ARHGEF10L: variants seen among roughly 807,000 people sequenced by gnomAD.
ARHGEF10L encodes Rho guanine nucleotide exchange factor 10 like, also known as rho guanine nucleotide exchange factor 10-like protein.
A neutral mutation model predicts 141.2 loss-of-function variants in ARHGEF10L; 69 were observed. The ratio of observed to expected loss-of-function variants is 0.49; its 90% CI spans 0.40 to 0.60. ARHGEF10L has a LOEUF of 0.60. Among genes scored for constraint, ARHGEF10L ranks in the 20% least tolerant of loss-of-function variants. The pLI is 0.00. For synonymous variants in ARHGEF10L, 711 were observed against 718.5 expected, an observed-to-expected ratio of 0.99 and a Z score of 0.17; for missense variants, 1,482 against 1,734.3, an observed-to-expected ratio of 0.85 and a Z score of 2.58.
At chr1:17,638,245 C>A (rs578040212) in intron 19 of ARHGEF10L, among the ~76,000 whole-genome samples, 118 of 152,302 alleles carry the variant, frequency 7.7e-4, no homozygotes, top group African/African-American at 2.7e-3. Context: ...GGCTGTGGGG[C>A]CTTTGTTTGT....
At chr1:17,633,981 C>G (rs963721096) in intron 16 of ARHGEF10L, among the ~76,000 whole-genome samples, 1 of 152,168 alleles carries the variant, frequency 6.6e-6, no homozygotes, top group Non-Finnish European at 1.5e-5. Context: ...TGGCTCTGTG[C>G]CAGTTCACAC....
intron 4 of ARHGEF10L, among the ~76,000 whole-genome samples, chr1:17,591,628 T>G (rs1453728095): frequency 1.3e-5 from 2 of 152,142 alleles, no homozygotes; most frequent in Non-Finnish European, 2.9e-5. Context: ...GCCAGGCTGG[T>G]CTTGAGCTCC....
the ARHGEF10L span, among the ~76,000 whole-genome samples, chr1:17,531,123 GT>G: frequency 1.3e-5 from 2 of 152,242 alleles, no homozygotes; most frequent in African/African-American, 2.4e-5. Flanking sequence ...TATGGTAAAT[GT>G]AAATAGATGC....
At chr1:17,517,249 T>C in the ARHGEF10L span, among the ~76,000 whole-genome samples, 1 of 152,238 alleles carries the variant, frequency 6.6e-6, no homozygotes, top group Non-Finnish European at 1.5e-5. Flanking sequence ...GCTCTGAGAA[T>C]CCTCAGTTTC....
chr1:17,661,405 T>G (rs2062617339), intron 25 of ARHGEF10L, among the ~76,000 whole-genome samples: 1 of 152,192 alleles, frequency 6.6e-6, no homozygotes, highest in Non-Finnish European at 1.5e-5. Flanking sequence ...CTATCAGTAT[T>G]AGCATTATTA....
chr1:17,595,220 CTTTTTTTTTTT>C (rs58475060), intron 4 of ARHGEF10L, among the ~76,000 whole-genome samples: 15 of 106,106 alleles, frequency 1.4e-4, no homozygotes, highest in African/African-American at 4.0e-4. Context: ...CGTGGCTCAC[CTTTTTTTTTTT>C]TTTTTTTTTT....
chr1:17,677,083 C>T (rs1285730734), intron 26 of ARHGEF10L, among the ~76,000 whole-genome samples: 4 of 152,206 alleles, frequency 2.6e-5, no homozygotes, highest in East Asian at 3.9e-4. Context: ...AGTGAGCTAG[C>T]AGGACCAAGG....
At chr1:17,597,584 C>G (rs759639720) in intron 4 of ARHGEF10L, among the ~76,000 whole-genome samples, 1 of 152,134 alleles carries the variant, frequency 6.6e-6, no homozygotes, top group African/African-American at 2.4e-5. Flanking sequence ...CTCATCGGCC[C>G]GAGGAACACC....
chr1:17,616,533 CTCCTTCCTTTATCCA>C (rs971049969), intron 9 of ARHGEF10L, among the ~76,000 whole-genome samples: 4 of 152,236 alleles, frequency 2.6e-5, no homozygotes, highest in African/African-American at 9.6e-5. Context: ...TTCCTGTTCC[CTCCTTCCTTTATCCA>C]TCCACCCATC....
chr1:17,619,196 T>C lies in ARHGEF10L; in HGVS notation c.836-143T>C. On this transcript the variant is annotated intron_variant, in intron 9 of 28. Coordinates refer to ENST00000361221, the MANE Select transcript of ARHGEF10L (RefSeq NM_018125.4). This position sits in a 1 kb window ranked among gnomAD's most constrained non-coding sequence, Gnocchi z 5.0. ...TCCTGAGAAGGAGCTACCGGGCGGC[T>C]CTAACCCCACGGGGCCCCAGGAGCT... The C allele has an allele frequency of 1.4e-6, 1 of 701,766 alleles. No individual in the cohort carries two copies. Among genetic ancestry groups the C allele is most frequent in the Non-Finnish European group, 2.5e-6 (1 of 403,260 alleles). 43.5% of individuals were successfully genotyped at this position (701,766 alleles called of 1,614,324 possible).
Position 17,673,044 on chromosome 1 carries a change from G to T in ARHGEF10L, c.3009+8449G>T, listed in dbSNP as rs1159849248. On this transcript the variant is annotated intron_variant, in intron 26 of 28. Transcript: ENST00000361221. This position sits in a 1 kb window ranked among gnomAD's most constrained non-coding sequence, Gnocchi z 4.1. ...GATTTAGGTGATGAAAAGATTTCAT[G>T]ATTTTAAAAAGAAGTTGGTCGCTGA... Among the ~76,000 whole-genome samples, 4 of 152,168 alleles carry T rather than the reference G, an allele frequency of 2.6e-5. No homozygotes were observed. The highest frequency in any genetic ancestry group is 4.4e-5 in the Non-Finnish European group (3 of 68,036).
chr1:17,585,942 C>T lies in ARHGEF10L; in HGVS notation c.38-1518C>T, dbSNP rs554996902. On this transcript the variant is annotated intron_variant, in intron 2 of 28. Coordinates refer to ENST00000361221, the MANE Select transcript of ARHGEF10L (RefSeq NM_018125.4). ...TTGTCATAATCCTTACATATACGGG[C>T]ACTGTGCCGAGGGCTACTCCTACCC... 3.9e-5 allele frequency among the ~76,000 whole-genome samples: 6 copies of T among 152,314 alleles called. No homozygotes were observed. The South Asian group carries it at 1.0e-3, about 26-fold the overall frequency.
Position 17,640,239 on chromosome 1 carries a change from AC to A in ARHGEF10L, c.2214del (p.Asn739ThrfsTer3). 1 of 1,612,854 alleles carries A rather than the reference AC, an allele frequency of 6.2e-7. No individual in the cohort carries two copies. The highest frequency in any genetic ancestry group is 8.5e-7 in the Non-Finnish European group (1 of 1,179,626). ...CATTAGCTTCATGGTGGTTTTCATC[AC>A]CCCCAACCCCCTGAGCAAGATTTCC... Reference protein sequence around the residue: ...RPISFMVVFITPNPLSKISWV... With the variant: ...RPISFMVVFIXPNPLSKISWV... On this transcript the variant is annotated frameshift_variant, in exon 21 of 29. Transcript: ENST00000361221. LOFTEE classifies it high-confidence loss of function.
upstream of ARHGEF10L, among the ~76,000 whole-genome samples, chr1:17,536,919 G>A (rs1055631191): frequency 2.0e-5 from 3 of 152,130 alleles, no homozygotes; most frequent in African/African-American, 7.2e-5. Flanking sequence ...GCCTAGGCTG[G>A]GGTGCAGCGG....
At chr1:17,523,418 A>T in the ARHGEF10L span, among the ~76,000 whole-genome samples, 1 of 151,984 alleles carries the variant, frequency 6.6e-6, no homozygotes, top group African/African-American at 2.4e-5. Context: ...TTTATTGGGC[A>T]CCCACCGTAT....
At position 17,588,628 on chromosome 1, in the gene ARHGEF10L, G is replaced by T. The variant is rs571416885; in HGVS notation, c.257+149G>T. 11 of 960,532 alleles carry T rather than the reference G, an allele frequency of 1.1e-5. No individual in the cohort carries two copies. In the Admixed American group the frequency reaches 2.7e-4, roughly 24 times the overall value. 59.5% of individuals were successfully genotyped at this position (960,532 alleles called of 1,614,324 possible). A position where few individuals can be genotyped will look rare whatever the true frequency, so the allele number is the denominator to read the frequency against. ...TTCACTGAGGCCCTGTGCCCTGGGG[G>T]AAGAGGTCAGTTCCAGAAACTCATG... On this transcript the variant is annotated intron_variant, in intron 4 of 28. Transcript: ENST00000361221.
intron 16 of ARHGEF10L, 33 bp from the exon 17 acceptor site, chr1:17,634,512 TAAC>T (rs2060884653): frequency 1.2e-6 from 2 of 1,614,132 alleles, no homozygotes; most frequent in East Asian, 4.5e-5. Context: ...TCCATTGTAA[TAAC>T]AATCTCCCTT....
chr1:17,697,386 C>A lies in ARHGEF10L; in HGVS notation c.*6C>A. 1 of 1,574,944 alleles carries A rather than the reference C, an allele frequency of 6.3e-7. No individual in the cohort carries two copies. The highest frequency in any genetic ancestry group is 8.6e-7 in the Non-Finnish European group (1 of 1,158,198). ...AGGTGCCCTTGATGCTATAGCGCCT[C>A]CCCTCTCCCCTCAGAGGGCACAGCT... is the stretch of plus-strand genomic sequence containing the variant. On this transcript the variant is annotated 3_prime_UTR_variant, in exon 29 of 29. Coordinates refer to ENST00000361221, the MANE Select transcript of ARHGEF10L (RefSeq NM_018125.4). The surrounding 1 kb of genome is among the most constrained non-coding windows in gnomAD (Gnocchi z 4.8).
In ARHGEF10L at chr1:17,590,936, G is replaced by A. The variant is rs888308051; in HGVS notation, c.257+2457G>A. Among the ~76,000 whole-genome samples, 8 of 152,276 alleles carry A rather than the reference G, an allele frequency of 5.3e-5. No individual in the cohort carries two copies. In the South Asian group the frequency reaches 8.3e-4, roughly 16 times the overall value. ...TGGGAGGTGGAGGTTGTAGTGAGGC[G>A]AGATTGCGCCATTTCACTCCAGCCT... On this transcript the variant is annotated intron_variant, in intron 4 of 28. Transcript: ENST00000361221.
Sources: allele counts gnomAD v4.1 joint callset (sites outside exome capture counted in the v4.1 genomes callset), GRCh38; gene constraint gnomAD v4.1.1; non-coding constraint Gnocchi (gnomAD v3.1); transcripts MANE v1.5; gene names NCBI Gene and HGNC (gene_info 2026-07-23, HGNC 2026-07-21).